DLGAP1: variants seen among roughly 807,000 people sequenced by gnomAD.
DLGAP1 encodes the protein DLG associated protein 1, also known as disks large-associated protein 1.
In DLGAP1, 11 loss-of-function variants were observed where a neutral mutation model predicts 90.8. The ratio of observed to expected loss-of-function variants is 0.12; its 90% CI spans 0.08 to 0.20. The LOEUF is 0.20. DLGAP1 is among the 10% of genes least tolerant of loss of function. DLGAP1 has a pLI of 1.00. For synonymous variants in DLGAP1, 558 were observed against 540.7 expected (o/e 1.03, Z -0.44); for missense variants, 1,050 against 1,333.8 (o/e 0.79, Z 3.31).
chr18:4,378,137 A>G lies in DLGAP1; in HGVS notation c.-267+76869T>C, dbSNP rs1483031354. 1.3e-5 allele frequency among the ~76,000 whole-genome samples: 2 copies of G among 149,006 alleles called. No individual in the cohort carries two copies. Among genetic ancestry groups the G allele is most frequent in the East Asian group, 1.9e-4 (1 of 5,130 alleles). The stretch of plus-strand genomic sequence containing the variant: ...TAGAAATATTGTATATAAAATTTAT[A>G]TTATATATATTTGAAAAAAGTCTGC... On this transcript the variant is annotated intron_variant, in intron 1 of 12. Transcript: ENST00000315677. The surrounding 1 kb of genome is among the most constrained non-coding windows in gnomAD (Gnocchi z 4.5).
chr18:3,899,801 C>T (rs2071742253), intron 3 of DLGAP1, among the ~76,000 whole-genome samples: 1 of 152,112 alleles, frequency 6.6e-6, no homozygotes, highest in African/African-American at 2.4e-5. Context: ...TAGGAAAAAT[C>T]AGCGCTATAA....
intron 7 of DLGAP1, chr18:3,679,992 T>A (rs1321688715): frequency 6.6e-6 from 1 of 151,988 alleles, no homozygotes; most frequent in African/African-American, 2.4e-5. Flanking sequence ...AGCCATGGGT[T>A]TCTTACTAGG....
intron 3 of DLGAP1, among the ~76,000 whole-genome samples, chr18:3,902,198 T>C (rs1050447293): frequency 6.6e-6 from 1 of 152,212 alleles, no homozygotes; most frequent in Non-Finnish European, 1.5e-5. Context: ...TCCTCCCTCT[T>C]AAGCAGGCTT....
At chr18:4,426,145 G>T (rs2083147473) in intron 1 of DLGAP1, among the ~76,000 whole-genome samples, 1 of 152,196 alleles carries the variant, frequency 6.6e-6, no homozygotes, top group African/African-American at 2.4e-5. Context: ...TGGTAGTGAT[G>T]TAGTTCTGTT....
chr18:3,592,797 C>T (rs1230794282), intron 7 of DLGAP1, among the ~76,000 whole-genome samples: 3 of 119,114 alleles, frequency 2.5e-5, no homozygotes, highest in Non-Finnish European at 3.2e-5. Context: ...TGAGCCATGA[C>T]TGTGCCACTG....
At chr18:4,164,642 T>C (rs1273716544) in intron 1 of DLGAP1, among the ~76,000 whole-genome samples, 2 of 152,120 alleles carry the variant, frequency 1.3e-5, no homozygotes, top group Non-Finnish European at 2.9e-5. Context: ...ATCGCACCAC[T>C]GCTCCCCAGC....
intron 2 of DLGAP1, among the ~76,000 whole-genome samples, chr18:4,063,630 T>A (rs1195774381): frequency 2.6e-5 from 4 of 151,724 alleles, no homozygotes; most frequent in Non-Finnish European, 5.9e-5. Context: ...AGATAAAGAG[T>A]TTTATACCTA....
chr18:4,318,571 A>C (rs1279629809), intron 1 of DLGAP1, among the ~76,000 whole-genome samples: 1 of 152,212 alleles, frequency 6.6e-6, no homozygotes, highest in Non-Finnish European at 1.5e-5. Flanking sequence ...GGATATACAC[A>C]CAAAGGCTTT....
intron 2 of DLGAP1, among the ~76,000 whole-genome samples, chr18:4,009,459 CCTCATTCA>C (rs1220375358): frequency 2.0e-5 from 3 of 152,272 alleles, no homozygotes; most frequent in South Asian, 4.1e-4. Flanking sequence ...TCAATCATTT[CCTCATTCA>C]CTCAACCAGC....
chr18:3,627,347 C>T (rs753252666), intron 7 of DLGAP1, among the ~76,000 whole-genome samples: 7 of 150,430 alleles, frequency 4.7e-5, no homozygotes, highest in Non-Finnish European at 1.0e-4. Flanking sequence ...TCAGGGAAGG[C>T]ACTGACCGAG....
chr18:3,992,238 C>T (rs2073984302), intron 3 of DLGAP1, among the ~76,000 whole-genome samples: 1 of 152,170 alleles, frequency 6.6e-6, no homozygotes, highest in Non-Finnish European at 1.5e-5. Context: ...CATCCTTGGC[C>T]AGGCCACTAC....
chr18:3,718,856 G>A (rs1016919894), intron 7 of DLGAP1, among the ~76,000 whole-genome samples: 3 of 151,548 alleles, frequency 2.0e-5, no homozygotes, highest in Non-Finnish European at 4.4e-5. Context: ...AACCCGGGAG[G>A]TGGAGGTTGC....
At chr18:4,034,879 C>T (rs955640314) in intron 2 of DLGAP1, among the ~76,000 whole-genome samples, 2 of 151,902 alleles carry the variant, frequency 1.3e-5, no homozygotes, top group African/African-American at 4.8e-5. Flanking sequence ...AACTACTTTC[C>T]CCTGCACTAA....
chr18:4,036,346 T>C (rs930873381), intron 2 of DLGAP1, among the ~76,000 whole-genome samples: 5 of 152,182 alleles, frequency 3.3e-5, no homozygotes, highest in Non-Finnish European at 7.4e-5. Context: ...TTGGAGAGCA[T>C]TTAATTAAAA....
intron 3 of DLGAP1, among the ~76,000 whole-genome samples, chr18:3,959,805 C>T (rs1028941357): frequency 2.0e-5 from 3 of 151,886 alleles, no homozygotes; most frequent in South Asian, 2.1e-4. Flanking sequence ...TTATGTAACC[C>T]GATGCATCTA....
At chr18:4,274,749 G>A (rs1345145294) in intron 1 of DLGAP1, among the ~76,000 whole-genome samples, 2 of 152,064 alleles carry the variant, frequency 1.3e-5, no homozygotes, top group Admixed American at 6.6e-5. Context: ...TGAAAACCCC[G>A]CTTTTAGTAG....
chr18:4,089,643 A>G (rs1402775663), intron 2 of DLGAP1, among the ~76,000 whole-genome samples: 2 of 152,204 alleles, frequency 1.3e-5, no homozygotes, highest in Admixed American at 6.5e-5. Flanking sequence ...CACATTTACA[A>G]ACGTCTGATC....
chr18:3,726,153 T>C (rs900173439), intron 7 of DLGAP1, among the ~76,000 whole-genome samples: 1 of 152,092 alleles, frequency 6.6e-6, no homozygotes, highest in African/African-American at 2.4e-5. Context: ...CTGAAAATAA[T>C]GAGCAAAGGA....
intron 2 of DLGAP1, among the ~76,000 whole-genome samples, chr18:4,053,899 G>A (rs1257498596): frequency 1.3e-5 from 2 of 152,122 alleles, no homozygotes; most frequent in African/African-American, 2.4e-5. Flanking sequence ...TTTAAAATGT[G>A]GATTCTGTTC....
Sources: allele counts gnomAD v4.1 joint callset (sites outside exome capture counted in the v4.1 genomes callset), GRCh38; gene constraint gnomAD v4.1.1; non-coding constraint Gnocchi (gnomAD v3.1); transcripts MANE v1.5; gene names NCBI Gene and HGNC (gene_info 2026-07-23, HGNC 2026-07-21).